Variants in CCDC30 observed in about 807,000 individuals in gnomAD.
The protein encoded by CCDC30 is coiled-coil domain containing 30.
In CCDC30, 70 loss-of-function variants were observed where a neutral mutation model predicts 100.2. That is an observed-to-expected ratio of 0.70 (90% CI 0.58 to 0.85). The LOEUF is 0.85. Ranked by LOEUF, CCDC30 falls within the 40% of genes least tolerant of loss-of-function variation. CCDC30 has a pLI of 0.00. For missense variants in CCDC30, 652 were observed against 771.2 expected (o/e 0.85, Z 1.83); for synonymous variants, 233 against 269.5 (o/e 0.86, Z 1.33).
chr1:42,510,466 T>G (rs1314966516), intron 6 of CCDC30, among the ~76,000 whole-genome samples: 1 of 152,008 alleles, frequency 6.6e-6, no homozygotes, highest in Non-Finnish European at 1.5e-5. Flanking sequence ...AGACCATCCT[T>G]GCCAATATGG....
intron 6 of CCDC30, among the ~76,000 whole-genome samples, chr1:42,504,428 G>T (rs1464502331): frequency 2.0e-5 from 3 of 152,156 alleles, no homozygotes; most frequent in Non-Finnish European, 4.4e-5. Context: ...CTGCAGAAAA[G>T]GGGTGCCCTG....
At chr1:42,492,124 GTTAT>G in intron 4 of CCDC30, 1 of 274,902 alleles carries the variant, frequency 3.6e-6, no homozygotes, top group Non-Finnish European at 7.1e-6. Flanking sequence ...ACTACCGATG[GTTAT>G]TTGTTTCATC....
At chr1:42,639,966 C>CAA (rs71065187) in intron 12 of CCDC30, among the ~76,000 whole-genome samples, 12 of 121,024 alleles carry the variant, frequency 9.9e-5, no homozygotes, top group African/African-American at 3.1e-4. Context: ...AACTTCGTCT[C>CAA]AAAAAAAAAA....
At chr1:42,614,717 G>A (rs1646692020) in intron 11 of CCDC30, among the ~76,000 whole-genome samples, 2 of 151,534 alleles carry the variant, frequency 1.3e-5, no homozygotes, top group African/African-American at 4.8e-5. Flanking sequence ...AGCCCAGGAG[G>A]CAGATATTGC....
chr1:42,501,924 T>G (rs1644319463), intron 6 of CCDC30, among the ~76,000 whole-genome samples: 1 of 152,206 alleles, frequency 6.6e-6, no homozygotes, highest in Non-Finnish European at 1.5e-5. Context: ...GAGGAGGCAG[T>G]CTGTCTGTTC....
intron 1 of CCDC30, among the ~76,000 whole-genome samples, chr1:42,470,137 C>A (rs114629722): frequency 6.6e-6 from 1 of 152,212 alleles, no homozygotes; most frequent in East Asian, 1.9e-4. Flanking sequence ...AAATGATCAA[C>A]AGTTGGGTTT....
chr1:42,634,349 G>A (rs1362073174), intron 11 of CCDC30, among the ~76,000 whole-genome samples: 1 of 152,046 alleles, frequency 6.6e-6, no homozygotes. Flanking sequence ...TACAACTGTA[G>A]GAGGTGCTAC....
At chr1:42,585,772 C>A (rs1178476940) in intron 9 of CCDC30, among the ~76,000 whole-genome samples, 1 of 151,788 alleles carries the variant, frequency 6.6e-6, no homozygotes. Context: ...TTTATTGAGA[C>A]CTCCTTTTTG....
intron 6 of CCDC30, among the ~76,000 whole-genome samples, chr1:42,514,658 T>C (rs1336150976): frequency 2.0e-5 from 3 of 152,188 alleles, no homozygotes; most frequent in Non-Finnish European, 4.4e-5. Flanking sequence ...TGTTTTGTTT[T>C]CGTTTTTGTT....
intron 11 of CCDC30, among the ~76,000 whole-genome samples, chr1:42,628,492 TG>T (rs901962783): frequency 5.3e-5 from 8 of 152,124 alleles, no homozygotes; most frequent in Non-Finnish European, 1.0e-4. Context: ...CAGAATGATA[TG>T]GTTTGGCTTT....
At chr1:42,495,749 C>G (rs1644222664) in intron 4 of CCDC30, among the ~76,000 whole-genome samples, 1 of 151,884 alleles carries the variant, frequency 6.6e-6, no homozygotes, top group African/African-American at 2.4e-5. Flanking sequence ...GAGGAAAACT[C>G]CAGGCTCAGA....
chr1:42,466,079 A>G (rs1173079189), intron 1 of CCDC30, among the ~76,000 whole-genome samples: 1 of 152,184 alleles, frequency 6.6e-6, no homozygotes, highest in Non-Finnish European at 1.5e-5. Context: ...TATGTATTTT[A>G]TTTAAGATGT....
intron 10 of CCDC30, among the ~76,000 whole-genome samples, chr1:42,603,057 G>A (rs942803892): frequency 1.3e-5 from 2 of 152,308 alleles, no homozygotes; most frequent in Non-Finnish European, 2.9e-5. Flanking sequence ...ATCTTAGTCT[G>A]TTTATGCTGC....
intron 10 of CCDC30, among the ~76,000 whole-genome samples, chr1:42,609,586 T>G (rs908592516): frequency 1.3e-5 from 2 of 152,168 alleles, no homozygotes; most frequent in African/African-American, 4.8e-5. Context: ...GGCAAAATCT[T>G]GCCATTCTTT....
intron 5 of CCDC30, 133 bp from the exon 6 acceptor site, chr1:42,498,685 T>G (rs1644264408): frequency 2.4e-6 from 1 of 415,872 alleles, no homozygotes; most frequent in East Asian, 3.6e-5. Context: ...CCATTTTTTA[T>G]TCTGTATACC....
At chr1:42,650,517 G>A (rs915280794) in intron 15 of CCDC30, among the ~76,000 whole-genome samples, 2 of 151,508 alleles carry the variant, frequency 1.3e-5, no homozygotes, top group South Asian at 2.1e-4. Context: ...GTGTGTGTGT[G>A]TGTGTGTGTG....
intron 6 of CCDC30, among the ~76,000 whole-genome samples, chr1:42,533,162 T>A (rs1038178422): frequency 2.6e-5 from 4 of 151,976 alleles, no homozygotes; most frequent in African/African-American, 9.7e-5. Flanking sequence ...ACATTTAAAC[T>A]TTTTTTTAGA....
chr1:42,621,711 C>T (rs1212708639), intron 11 of CCDC30, among the ~76,000 whole-genome samples: 1 of 152,056 alleles, frequency 6.6e-6, no homozygotes, highest in Non-Finnish European at 1.5e-5. Flanking sequence ...CAGGGTTTCA[C>T]TGTGTTAGCC....
At chr1:42,495,531 C>CAAA (rs113033883) in intron 4 of CCDC30, among the ~76,000 whole-genome samples, 4 of 141,724 alleles carry the variant, frequency 2.8e-5, no homozygotes, top group Non-Finnish European at 3.1e-5. Context: ...AATAAAAAAG[C>CAAA]AAAAAAAAAA....
Sources: gnomAD v4.1 joint callset for allele counts (sites outside exome capture counted in the v4.1 genomes callset) on GRCh38, gnomAD v4.1.1 for gene constraint, MANE v1.5 for transcripts, NCBI Gene and HGNC (gene_info 2026-07-23, HGNC 2026-07-21) for gene names.